SEH1L: variants seen among roughly 807,000 people sequenced by gnomAD.
SEH1L encodes the protein SEH1 like nucleoporin, also known as nucleoporin SEH1.
In SEH1L, 18 loss-of-function variants were observed where a neutral mutation model predicts 49.5. The ratio of observed to expected loss-of-function variants is 0.36; its 90% confidence interval spans 0.25 to 0.54. The LOEUF is 0.54. Ranked by LOEUF, SEH1L falls within the 20% of genes least tolerant of loss-of-function variation. The pLI, the probability that SEH1L is intolerant of heterozygous loss-of-function variation, is 0.87. For missense variants in SEH1L, 404 were observed against 528.8 expected (o/e 0.76, Z 2.31); for synonymous variants, 169 against 178.1 (o/e 0.95, Z 0.41).
At chr18:12,962,898 A>T (rs1162347136) in intron 3 of SEH1L, among the ~76,000 whole-genome samples, 1 of 152,046 alleles carries the variant, frequency 6.6e-6, no homozygotes, top group African/African-American at 2.4e-5. Flanking sequence ...TTATATAACA[A>T]AGGTAGGCTT....
chr18:12,986,356 T>C (rs1042450546), intron 8 of SEH1L: 1 of 985,454 alleles, frequency 1.0e-6, no homozygotes, highest in Non-Finnish European at 1.2e-6. Context: ...AAATAAGTGT[T>C]CAATGTTTGT....
intron 3 of SEH1L, among the ~76,000 whole-genome samples, chr18:12,956,345 G>T (rs2030859840): frequency 1.3e-5 from 2 of 151,468 alleles, no homozygotes. Flanking sequence ...CCTGGCCAAG[G>T]GTTAATAAAA....
At chr18:12,986,746 C>A in intron 8 of SEH1L, 116 bp from the exon 9 acceptor site, 4 of 1,181,176 alleles carry the variant, frequency 3.4e-6, no homozygotes, top group Non-Finnish European at 3.2e-6. Flanking sequence ...TTTTTTCTAG[C>A]ATGTGTTTTC....
chr18:12,984,162 A>G lies in SEH1L; in HGVS notation c.1042A>G (p.Asn348Asp). The change falls in exon 8 of 9, where the codon AAT (asparagine) becomes GAT (aspartate). Residue 348 changes from asparagine to aspartate, a missense_variant. Coordinates refer to ENST00000399892, the MANE Select transcript of SEH1L (RefSeq NM_001013437.2). ...SLGSTIPSLQ[N>D]SLNGSSAGRY... is the part of the protein sequence containing the mutation. The stretch of plus-strand genomic sequence containing the variant: ...AGGTTCAACTATTCCAAGTCTTCAG[A>G]ATTCATTAAATGGATCTTCTGCTGG... The G allele has an allele frequency of 6.2e-7, 1 of 1,613,952 alleles. No individual in the cohort carries two copies. Among genetic ancestry groups the G allele is most frequent in the East Asian group, 2.2e-5 (1 of 44,868 alleles).
At chr18:12,957,153 T>C (rs1403292175) in intron 3 of SEH1L, among the ~76,000 whole-genome samples, 1 of 151,946 alleles carries the variant, frequency 6.6e-6, no homozygotes, top group Non-Finnish European at 1.5e-5. Flanking sequence ...CTCGGCCGGG[T>C]GCGGTGGCTC....
chr18:12,949,911 A>G (rs1390791422), intron 1 of SEH1L, among the ~76,000 whole-genome samples: 1 of 152,078 alleles, frequency 6.6e-6, no homozygotes, highest in African/African-American at 2.4e-5. Flanking sequence ...TCCTCTGGTA[A>G]CCTCTATTCT....
At chr18:12,956,616 G>T (rs1439573703) in intron 3 of SEH1L, among the ~76,000 whole-genome samples, 6 of 147,816 alleles carry the variant, frequency 4.1e-5, no homozygotes, top group African/African-American at 1.5e-4. Flanking sequence ...TAAATAAAAA[G>T]TTAAATTCCA....
chr18:12,952,232 CTTTT>C (rs746291412), intron 2 of SEH1L, among the ~76,000 whole-genome samples: 1 of 133,468 alleles, frequency 7.5e-6, no homozygotes, highest in Non-Finnish European at 1.6e-5. Context: ...TAGAAATTTT[CTTTT>C]TTTTTTTTTT....
rs1221459523 is a variant in SEH1L, at chr18:12,971,196, A to G, written c.565A>G (p.Ser189Gly). 2 of 1,613,952 alleles carry G rather than the reference A, an allele frequency of 1.2e-6. No individual in the cohort carries two copies. The highest frequency in any genetic ancestry group is 1.3e-5 in the African/African-American group (1 of 74,934). ...CATGATCGCCGTAGGAAGTGATGACAGTAGCCCCAACGCAATGGCCAAGGT... is the reference window on the plus strand; with the variant it reads ...CATGATCGCCGTAGGAAGTGATGACGGTAGCCCCAACGCAATGGCCAAGGT... The part of the protein sequence containing the change: ...SPMIAVGSDD[S>G]SPNAMAKVQI... Residue 189 changes from serine (S) to glycine (G), a missense_variant, in exon 5 of 9, where the codon AGT becomes GGT. Physicochemically the swap from Ser to Gly is moderately conservative, Grantham distance 56. This residue lies in a region of SEH1L where 342 missense variants were observed against 430.8 expected (regional missense o/e 0.79). Transcript: ENST00000399892.
At chr18:12,950,385 T>C (rs889197614) in intron 1 of SEH1L, among the ~76,000 whole-genome samples, 8 of 152,092 alleles carry the variant, frequency 5.3e-5, no homozygotes, top group Admixed American at 2.6e-4. Context: ...GGAGGAGCCA[T>C]GTATTTATTT....
chr18:12,951,894 G>A lies in SEH1L; in HGVS notation c.151G>A (p.Ala51Thr), dbSNP rs754300260. Residue 51 changes from alanine (A) to threonine (T), a missense_variant, in exon 2 of 9, where the codon GCT (alanine) becomes ACT (threonine). By Grantham distance (58) the Ala-to-Thr change is moderately conservative. Transcript: ENST00000399892. ...TGAAAGTGGTGATTGGCATTGTACT[G>A]CTAGCTGGAAGGTTAGTATTTATTT... is the stretch of plus-strand genomic sequence containing the variant. ...KSESGDWHCT[A>T]SWKTHSGSVW... The A allele has an allele frequency of 1.3e-6, 2 of 1,551,940 alleles. No homozygotes were observed. Among genetic ancestry groups the A allele is most frequent in the Non-Finnish European group, 1.8e-6 (2 of 1,137,832 alleles).
chr18:12,966,070 T>C (rs376523131), intron 4 of SEH1L, among the ~76,000 whole-genome samples: 1 of 151,152 alleles, frequency 6.6e-6, no homozygotes, highest in African/African-American at 2.4e-5. Context: ...CACTTACCAT[T>C]TGTTTTTTAT....
chr18:12,969,344 A>G (rs1007271228), intron 4 of SEH1L, among the ~76,000 whole-genome samples: 1 of 151,730 alleles, frequency 6.6e-6, no homozygotes, highest in African/African-American at 2.4e-5. Flanking sequence ...GCTTGAGCCC[A>G]GAAGTTCAAG....
chr18:12,983,927 G>T, intron 7 of SEH1L, 113 bp from the exon 8 acceptor site: 1 of 663,260 alleles, frequency 1.5e-6, no homozygotes, highest in South Asian at 3.3e-5. Flanking sequence ...AAGAAATGTA[G>T]CTCATAGCCT....
At chr18:12,964,732 T>C (rs988779534) in intron 4 of SEH1L, among the ~76,000 whole-genome samples, 11 of 149,700 alleles carry the variant, frequency 7.3e-5, no homozygotes, top group Non-Finnish European at 1.6e-4. Flanking sequence ...GCCTCCTGGG[T>C]TCAAACGATT....
chr18:12,949,058 A>G (rs990876620), intron 1 of SEH1L, among the ~76,000 whole-genome samples: 1 of 150,196 alleles, frequency 6.7e-6, no homozygotes, highest in African/African-American at 2.4e-5. Flanking sequence ...ACAGAGTTTC[A>G]CCATGTGGGC....
At chr18:12,962,850 C>CT (rs916679670) in intron 3 of SEH1L, among the ~76,000 whole-genome samples, 190 of 146,972 alleles carry the variant, frequency 1.3e-3, no homozygotes, top group African/African-American at 4.1e-3. Context: ...CTAACATTTT[C>CT]TTTTTTTTTT....
rs147736172 is a variant in SEH1L, at chr18:12,975,119, A to G, written c.621-3633A>G. Among the ~76,000 whole-genome samples the G allele has an allele frequency of 8.1e-3, 1,225 of 151,934 alleles. 16 individuals are homozygous for G. Among genetic ancestry groups the G allele is most frequent in the African/African-American group, 0.028 (1,175 of 41,414 alleles). ...GAAGTTCTCCTGCCTCAGCCTCCCA[A>G]GTAGCTGGGATCACAGGCATGTGCC... On this transcript the variant is annotated intron_variant, in intron 5 of 8. Coordinates refer to ENST00000399892, the MANE Select transcript of SEH1L (RefSeq NM_001013437.2).
chr18:12,955,942 C>T (rs147560381), intron 3 of SEH1L, among the ~76,000 whole-genome samples: 12 of 151,800 alleles, frequency 7.9e-5, no homozygotes, highest in Non-Finnish European at 1.8e-4. Flanking sequence ...AACTCCTGGC[C>T]CCACCTCAGC....
Sources: allele counts gnomAD v4.1 joint callset (sites outside exome capture counted in the v4.1 genomes callset), GRCh38; gene constraint gnomAD v4.1.1; regional missense constraint gnomAD v4.1.1; transcripts MANE v1.5; gene names NCBI Gene and HGNC (gene_info 2026-07-23, HGNC 2026-07-21).